SLC2A8: variants seen among roughly 807,000 people sequenced by gnomAD.
The protein encoded by SLC2A8 is solute carrier family 2 member 8, also known as solute carrier family 2, facilitated glucose transporter member 8.
In SLC2A8, 53 loss-of-function variants were observed where a neutral mutation model predicts 49.2. The observed-to-expected ratio is 1.08, with a 90% CI of 0.86 to 1.35. The LOEUF (loss-of-function observed/expected upper bound fraction) is 1.35. Ranked by LOEUF, SLC2A8 falls within the 40% of genes most tolerant of loss-of-function variation. The pLI is 0.00. For synonymous variants in SLC2A8, 299 were observed against 297.0 expected (o/e 1.01, Z -0.07); for missense variants, 688 against 671.7 (o/e 1.02, Z -0.27).
At position 127,403,778 on chromosome 9, in the gene SLC2A8, C is replaced by A. The variant is rs1475813280; in HGVS notation, c.842C>A (p.Thr281Asn). 2 of 1,613,224 alleles carry A rather than the reference C, an allele frequency of 1.2e-6. No homozygotes were observed. Among genetic ancestry groups the A allele is most frequent in the Non-Finnish European group, 1.7e-6 (2 of 1,179,960 alleles). Residue 281 changes from threonine to asparagine, a missense_variant, in exon 6 of 10, where the codon ACC becomes AAC. Thr to Asn is a moderately conservative substitution (Grantham distance 65). Transcript: ENST00000373371. ...GVNAVMFYAE[T>N]IFEEAKFKDS... ...AACGCCGTCATGTTCTATGCAGAGA[C>A]CATCTTTGAAGAGGCCAAGTTCAAG...
chr9:127,407,114 G>A lies in SLC2A8; in HGVS notation c.1299G>A (p.Glu433=). The part of the protein sequence containing the change: ...LVTKEFSSLM[E]VLRPYGAFWL... Reference sequence around the variant, plus strand: ...CATGGCCTTTCCTCTCTCTGCAGGAGGTCCTCAGGCCCTATGGAGCCTTCT... The same window carrying A: ...CATGGCCTTTCCTCTCTCTGCAGGAAGTCCTCAGGCCCTATGGAGCCTTCT... Residue 433 remains glutamate (E), a splice_region_variant and synonymous_variant, in exon 10 of 10, where the codon GAG becomes GAA. Transcript: ENST00000373371. The A allele has an allele frequency of 6.2e-7, 1 of 1,613,214 alleles. No individual in the cohort carries two copies. Among genetic ancestry groups the A allele is most frequent in the Non-Finnish European group, 8.5e-7 (1 of 1,179,968 alleles).
chr9:127,403,106 T>TA (rs1264805934), intron 5 of SLC2A8, among the ~76,000 whole-genome samples: 1 of 152,166 alleles, frequency 6.6e-6, no homozygotes, highest in Non-Finnish European at 1.5e-5. Flanking sequence ...GTCTGGGTTT[T>TA]AGAGTCACCC....
intron 4 of SLC2A8, among the ~76,000 whole-genome samples, chr9:127,401,390 A>G (rs1833284724): frequency 2.6e-5 from 4 of 152,260 alleles, no homozygotes; most frequent in Admixed American, 2.6e-4. Flanking sequence ...GGCCTGGCCC[A>G]GGGCACAAGC....
Position 127,399,566 on chromosome 9 carries a change from CT to C in SLC2A8, c.427-324del, listed in dbSNP as rs35116441. ...TCTTGGAGCCTGAGTAAAGCCTCAT[CT>C]TTTTTTTTTTTTTTTTAATTTTTAT... On this transcript the variant is annotated intron_variant, in intron 3 of 9. Coordinates refer to ENST00000373371, the MANE Select transcript of SLC2A8 (RefSeq NM_014580.5). The surrounding 1 kb of genome is among the most constrained non-coding windows in gnomAD (Gnocchi z 4.2). Among the ~76,000 whole-genome samples, 100,793 of 140,600 alleles carry C rather than the reference CT, an allele frequency of 0.72. 36,214 individuals are homozygous for C. Among genetic ancestry groups the C allele is most frequent in the African/African-American group, 0.83 (31,383 of 37,970 alleles). The allele number at this position is 140,600 out of a possible 152,430, so 92.2% of individuals were successfully genotyped here.
chr9:127,404,895 C>G lies in SLC2A8; in HGVS notation c.1054C>G (p.His352Asp). The change falls in exon 8 of 10, where the codon CAC becomes GAC. Residue 352 changes from histidine to aspartate, a missense_variant. Coordinates refer to ENST00000373371, the MANE Select transcript of SLC2A8 (RefSeq NM_014580.5). The stretch of plus-strand genomic sequence containing the variant: ...CCAGGGTGGCCCTGGCAACTCCTCG[C>G]ACGTGGCCATCTCGGCGCCTGTCTC... ...LTQGGPGNSS[H>D]VAISAPVSAQ... The G allele has an allele frequency of 1.2e-6, 2 of 1,612,784 alleles. No homozygotes were observed. The highest frequency in any genetic ancestry group is 1.7e-4 in the Middle Eastern group (1 of 6,060).
intron 4 of SLC2A8, 166 bp from the exon 5 acceptor site, chr9:127,402,391 G>C: frequency 9.0e-7 from 1 of 1,112,362 alleles, no homozygotes; most frequent in Non-Finnish European, 1.2e-6. Flanking sequence ...CCCGTGCCAT[G>C]TGCCTTCATG....
intron 8 of SLC2A8, 99 bp from the exon 9 acceptor site, chr9:127,405,321 C>T (rs2131911202): frequency 2.1e-6 from 3 of 1,404,168 alleles, no homozygotes; most frequent in East Asian, 2.3e-5. Flanking sequence ...GACCCCACAG[C>T]CCCACAGGCT....
intron 5 of SLC2A8, 150 bp from the exon 6 acceptor site, chr9:127,403,510 C>A: frequency 2.3e-6 from 2 of 872,968 alleles, no homozygotes; most frequent in Non-Finnish European, 3.6e-6. Context: ...TGGGACTTGT[C>A]TGCACACCTG....
At position 127,397,396 on chromosome 9, in the gene SLC2A8, T is replaced by C. The variant is rs898398032; in HGVS notation, c.77T>C (p.Val26Ala). 1.7e-4 allele frequency: 244 copies of C among 1,471,666 alleles called. No individual in the cohort carries two copies. Among genetic ancestry groups the C allele is most frequent in the Non-Finnish European group, 2.1e-4 (232 of 1,120,322 alleles). 91.2% of individuals were successfully genotyped at this position (1,471,666 alleles called of 1,614,324 possible). The change falls in exon 2 of 10, where the codon GTC becomes GCC. Residue 26 changes from valine to alanine, a missense_variant. Val to Ala is a moderately conservative substitution (Grantham distance 64). Transcript: ENST00000373371. ...PGGSAPRGRR[V>A]FLAAFAAALG... ...CCCAGCGCGCCCCGCGGCCGCCGCG[T>C]CTTCCTCGCCGCCTTCGCCGCTGCC...
intron 4 of SLC2A8, chr9:127,402,304 T>G: frequency 2.2e-6 from 1 of 455,870 alleles, no homozygotes; most frequent in Non-Finnish European, 3.8e-6. Flanking sequence ...GCTACATAAA[T>G]GTTTCGTTGA....
chr9:127,398,137 C>T, intron 3 of SLC2A8, 26 bp downstream of exon 3: 2 of 1,561,082 alleles, frequency 1.3e-6, no homozygotes, highest in Non-Finnish European at 1.7e-6. Context: ...CTCGAGTGTC[C>T]TGTCTCGCGG....
At chr9:127,405,613 G>A (rs767352013) in intron 9 of SLC2A8, 48 bp downstream of exon 9, 9 of 1,607,650 alleles carry the variant, frequency 5.6e-6, no homozygotes, top group Middle Eastern at 1.7e-4. Flanking sequence ...CAGCCGAGAA[G>A]CACTTTCTAA....
intron 5 of SLC2A8, chr9:127,403,434 TC>T (rs1049599279): frequency 2.0e-5 from 12 of 585,542 alleles, no homozygotes; most frequent in Admixed American, 6.0e-5. Flanking sequence ...TCTTTGTGGC[TC>T]CCCCCCACCT....
At position 127,397,985 on chromosome 9, in the gene SLC2A8, C is replaced by T. The variant is rs906112324; in HGVS notation, c.300C>T (p.Leu100=). ...ACCGCGCCGGGCGCAAGCTGAGCCT[C>T]TTGCTGTGCTCCGTGCCCTTCGTGG... is the stretch of plus-strand genomic sequence containing the variant. The part of the protein sequence containing the change: ...LVDRAGRKLS[L]LLCSVPFVAG... The change falls in exon 3 of 10, where the codon CTC becomes CTT. Residue 100 remains leucine (L), a synonymous_variant. Transcript: ENST00000373371. The T allele has an allele frequency of 1.3e-6, 2 of 1,546,042 alleles. No individual in the cohort carries two copies. Among genetic ancestry groups the T allele is most frequent in the African/African-American group, 1.4e-5 (1 of 73,532 alleles).
Position 127,407,127 on chromosome 9 carries a change from T to C in SLC2A8, c.1312T>C (p.Tyr438His). ...CTCTCTGCAGGAGGTCCTCAGGCCC[T>C]ATGGAGCCTTCTGGCTTGCCTCCGC... is the stretch of plus-strand genomic sequence containing the variant. Reference protein sequence around the residue: ...FSSLMEVLRPYGAFWLASAFC... With the variant: ...FSSLMEVLRPHGAFWLASAFC... The change falls in exon 10 of 10, where the codon TAT becomes CAT. Residue 438 changes from tyrosine to histidine, a missense_variant. Coordinates refer to ENST00000373371, the MANE Select transcript of SLC2A8 (RefSeq NM_014580.5). The C allele has an allele frequency of 6.2e-7, 1 of 1,613,518 alleles. No individual in the cohort carries two copies. Among genetic ancestry groups the C allele is most frequent in the Non-Finnish European group, 8.5e-7 (1 of 1,179,986 alleles).
chr9:127,401,543 G>A (rs1833292969), intron 4 of SLC2A8, among the ~76,000 whole-genome samples: 1 of 152,238 alleles, frequency 6.6e-6, no homozygotes, highest in African/African-American at 2.4e-5. Context: ...ACTGTGTGCA[G>A]GTGTTGACAT....
Position 127,407,611 on chromosome 9 carries a change from C to A in SLC2A8, c.*362C>A. On this transcript the variant is annotated 3_prime_UTR_variant, in exon 10 of 10. Transcript: ENST00000373371. Reference sequence around the variant, plus strand: ...TGGGCATTCAGTCGCTCCTCTCACGCGGCTGCCTTATCGGGAAGGAAATTT... The same window carrying A: ...TGGGCATTCAGTCGCTCCTCTCACGAGGCTGCCTTATCGGGAAGGAAATTT... 2.7e-6 allele frequency: 1 copy of A among 372,384 alleles called. No homozygotes were observed. Among genetic ancestry groups the A allele is most frequent in the Non-Finnish European group, 5.6e-6 (1 of 179,998 alleles). 23.1% of individuals were successfully genotyped at this position (372,384 alleles called of 1,614,324 possible). A position where few individuals can be genotyped will look rare whatever the true frequency, so the allele number is the denominator to read the frequency against.
Position 127,397,426 on chromosome 9 carries a change from G to A in SLC2A8, c.107G>A (p.Gly36Asp). The A allele has an allele frequency of 6.7e-7, 1 of 1,486,596 alleles. No homozygotes were observed. The highest frequency in any genetic ancestry group is 1.3e-5 in the South Asian group (1 of 78,964). 92.1% of individuals were successfully genotyped at this position (1,486,596 alleles called of 1,614,324 possible). The change falls in exon 2 of 10, where the codon GGC becomes GAC. Residue 36 changes from glycine to aspartate, a missense_variant. Transcript: ENST00000373371. ...VFLAAFAAAL[G>D]PLSFGFALGY... ...CTCGCCGCCTTCGCCGCTGCCCTGG[G>A]CCCACTCAGCTTCGGCTTCGCGCTC...
Position 127,398,040 on chromosome 9 carries a change from G to T in SLC2A8, c.355G>T (p.Asp119Tyr). 1 of 1,586,268 alleles carries T rather than the reference G, an allele frequency of 6.3e-7. No individual in the cohort carries two copies. Among genetic ancestry groups the T allele is most frequent in the Middle Eastern group, 1.7e-4 (1 of 5,776 alleles). Residue 119 changes from aspartate to tyrosine, a missense_variant, in exon 3 of 10, where the codon GAC becomes TAC. By Grantham distance (160) the Asp-to-Tyr change is radical (BLOSUM62 -3). Coordinates refer to ENST00000373371, the MANE Select transcript of SLC2A8 (RefSeq NM_014580.5). ...AGFAVITAAQ[D>Y]VWMLLGGRLL... Reference sequence around the variant, plus strand: ...CTTTGCCGTCATCACCGCGGCCCAGGACGTGTGGATGCTGCTGGGGGGCCG... The same window carrying T: ...CTTTGCCGTCATCACCGCGGCCCAGTACGTGTGGATGCTGCTGGGGGGCCG...
Sources: gnomAD v4.1 joint callset for allele counts (sites outside exome capture counted in the v4.1 genomes callset) on GRCh38, gnomAD v4.1.1 for gene constraint, Gnocchi (gnomAD v3.1) non-coding constraint, MANE v1.5 for transcripts, NCBI Gene and HGNC (gene_info 2026-07-23, HGNC 2026-07-21) for gene names.